The following CIMIP2C variants were observed in gnomAD, a reference collection of about 807,000 sequenced individuals.
CIMIP2C encodes the protein ciliary microtubule inner protein 2C.
chr2:26,578,666 T>G, the CIMIP2C span: 1 of 451,442 alleles, frequency 2.2e-6, no homozygotes, highest in East Asian at 7.0e-5. Context: ...TAGAGTATAG[T>G]GGGACTCTCC....
At chr2:26,576,762 C>T in the CIMIP2C span, among the ~76,000 whole-genome samples, 3 of 152,206 alleles carry the variant, frequency 2.0e-5, no homozygotes, top group Non-Finnish European at 2.9e-5. Flanking sequence ...GGGGACCCAC[C>T]CACACCCCTG....
At chr2:26,575,375 A>C in the CIMIP2C span, among the ~76,000 whole-genome samples, 3 of 152,104 alleles carry the variant, frequency 2.0e-5, no homozygotes, top group Non-Finnish European at 4.4e-5. Context: ...ATAACTGCAG[A>C]ATGTGGGAGC....
At chr2:26,574,520 G>A in the CIMIP2C span, among the ~76,000 whole-genome samples, 1 of 152,208 alleles carries the variant, frequency 6.6e-6, no homozygotes, top group African/African-American at 2.4e-5. Flanking sequence ...AGACATCCAA[G>A]GGATATGTCT....
the CIMIP2C span, among the ~76,000 whole-genome samples, chr2:26,574,814 G>A: frequency 6.6e-6 from 1 of 152,238 alleles, no homozygotes; most frequent in African/African-American, 2.4e-5. Context: ...CTGTGCTACT[G>A]GAAGGCCCAG....
the CIMIP2C span, among the ~76,000 whole-genome samples, chr2:26,577,320 G>A: frequency 2.6e-4 from 39 of 152,202 alleles, no homozygotes; most frequent in African/African-American, 8.9e-4. Flanking sequence ...TTAGGCAGAT[G>A]AGAAGTCGTG....
chr2:26,566,429 C>T, the CIMIP2C span, among the ~76,000 whole-genome samples: 70 of 152,328 alleles, frequency 4.6e-4, no homozygotes, highest in Admixed American at 2.9e-3. Context: ...AACACACACA[C>T]GGTGGTGTAC....
At chr2:26,563,555 A>G in the CIMIP2C span, among the ~76,000 whole-genome samples, 1 of 152,214 alleles carries the variant, frequency 6.6e-6, no homozygotes, top group Admixed American at 6.5e-5. Flanking sequence ...CAACCTGTAC[A>G]GTATCAGCAA....
the CIMIP2C span, among the ~76,000 whole-genome samples, chr2:26,567,653 C>T: frequency 0.13 from 19,930 of 152,184 alleles, 1,615 homozygotes; most frequent in Non-Finnish European, 0.19. Flanking sequence ...CCCTGGCACC[C>T]GAGGTGCAGC....
chr2:26,574,658 C>T, the CIMIP2C span, among the ~76,000 whole-genome samples: 1 of 152,210 alleles, frequency 6.6e-6, no homozygotes. Context: ...AAGACAGACC[C>T]CGGAGGTTCA....
At chr2:26,565,775 T>C in the CIMIP2C span, among the ~76,000 whole-genome samples, 1 of 152,256 alleles carries the variant, frequency 6.6e-6, no homozygotes, top group Non-Finnish European at 1.5e-5. Context: ...TTAGCTGTTA[T>C]CATTAGTTAG....
chr2:26,578,416 T>G, the CIMIP2C span: 1 of 212,912 alleles, frequency 4.7e-6, no homozygotes, highest in Non-Finnish European at 9.6e-6. Flanking sequence ...TCTGTTTTCA[T>G]AAGTTTAATG....
the CIMIP2C span, among the ~76,000 whole-genome samples, chr2:26,575,432 G>A: frequency 6.6e-6 from 1 of 152,244 alleles, no homozygotes; most frequent in African/African-American, 2.4e-5. Flanking sequence ...GTAAATGCGG[G>A]CCCCTGGAGG....
chr2:26,565,575 G>T, the CIMIP2C span, among the ~76,000 whole-genome samples: 14 of 152,256 alleles, frequency 9.2e-5, no homozygotes, highest in South Asian at 2.3e-3. Flanking sequence ...GAATGGGGTC[G>T]ACAGTAAGAG....
the CIMIP2C span, chr2:26,577,420 C>A: frequency 3.5e-5 from 42 of 1,211,918 alleles, no homozygotes; most frequent in Non-Finnish European, 4.7e-5. Context: ...AGGTGGCCCC[C>A]AACCCTGCCC....
the CIMIP2C span, chr2:26,562,758 C>G: frequency 7.5e-7 from 1 of 1,327,596 alleles, no homozygotes. Flanking sequence ...AATTCAGCCC[C>G]CTGCCCCCGG....
the CIMIP2C span, among the ~76,000 whole-genome samples, chr2:26,572,956 A>G: frequency 6.6e-6 from 1 of 152,214 alleles, no homozygotes; most frequent in Non-Finnish European, 1.5e-5. Flanking sequence ...TTGAATCTAT[A>G]TCTTGATTAA....
the CIMIP2C span, among the ~76,000 whole-genome samples, chr2:26,574,209 C>G: frequency 6.6e-6 from 1 of 152,150 alleles, no homozygotes; most frequent in Admixed American, 6.5e-5. Flanking sequence ...GGTCAGATCA[C>G]AGATGGCCTC....
At chr2:26,572,845 G>C in the CIMIP2C span, among the ~76,000 whole-genome samples, 2 of 152,086 alleles carry the variant, frequency 1.3e-5, no homozygotes, top group Non-Finnish European at 2.9e-5. Flanking sequence ...CAGGCTGCCC[G>C]ATGGTTCCAG....
chr2:26,575,835 C>A, the CIMIP2C span: 3 of 1,544,944 alleles, frequency 1.9e-6, no homozygotes, highest in Non-Finnish European at 2.6e-6. Context: ...TTTTAAGGGC[C>A]TCTCTTGGAA....
Sources: gnomAD v4.1 joint callset for allele counts (sites outside exome capture counted in the v4.1 genomes callset) on GRCh38, gnomAD v4.1.1 for gene constraint, MANE v1.5 for transcripts, NCBI Gene and HGNC (gene_info 2026-07-23, HGNC 2026-07-21) for gene names.